IP6K1: variants seen among roughly 807,000 people sequenced by gnomAD.
IP6K1 encodes ATP:1D-myo-inositol-hexakisphosphate phosphotransferase.
IP6K1 carries 13 observed loss-of-function variants against 38.3 expected under a neutral mutation model. That is an observed-to-expected ratio of 0.34 (90% CI 0.22 to 0.54). IP6K1 has a LOEUF of 0.54. Among genes scored for constraint, IP6K1 ranks in the 20% least tolerant of loss-of-function variants. The probability of loss-of-function intolerance (pLI) is 0.92; values close to 1 mark genes in which losing one functional copy is unlikely to be tolerated. For synonymous variants in IP6K1, 212 were observed against 229.9 expected (o/e 0.92, Z 0.70); for missense variants, 397 against 599.8 (o/e 0.66, Z 3.53).
At chr3:49,772,937 C>T (rs1377193745) in intron 1 of IP6K1, among the ~76,000 whole-genome samples, 1 of 151,848 alleles carries the variant, frequency 6.6e-6, no homozygotes, top group Admixed American at 6.6e-5. Flanking sequence ...GATCCTCCTA[C>T]CTCAGCCTCC....
intron 1 of IP6K1, among the ~76,000 whole-genome samples, chr3:49,768,034 TAA>T (rs140063422): frequency 6.6e-5 from 8 of 121,680 alleles, no homozygotes; most frequent in Admixed American, 8.4e-5. Flanking sequence ...ATCCAAGTTA[TAA>T]AAAAAAAAAA....
chr3:49,757,598 T>C (rs1041432081), intron 1 of IP6K1, among the ~76,000 whole-genome samples: 1 of 152,130 alleles, frequency 6.6e-6, no homozygotes, highest in African/African-American at 2.4e-5. Context: ...CTCATGCCTA[T>C]AGTCCCAGCT....
At chr3:49,776,897 T>A (rs1471054109) in intron 1 of IP6K1, among the ~76,000 whole-genome samples, 2 of 151,990 alleles carry the variant, frequency 1.3e-5, no homozygotes, top group Non-Finnish European at 2.9e-5. Context: ...CAGGCTGGGG[T>A]TGACTGGAAA....
At chr3:49,744,691 A>G (rs1197649403) in intron 2 of IP6K1, among the ~76,000 whole-genome samples, 1 of 152,142 alleles carries the variant, frequency 6.6e-6, no homozygotes, top group Non-Finnish European at 1.5e-5. Context: ...TTTTATTGTA[A>G]GAATGGTATT....
chr3:49,761,893 C>A (rs927350293), intron 1 of IP6K1, among the ~76,000 whole-genome samples: 6 of 151,820 alleles, frequency 4.0e-5, no homozygotes, highest in Admixed American at 2.0e-4. Flanking sequence ...TTACAGTAAG[C>A]CATGATTGCA....
chr3:49,738,889 G>C lies in IP6K1; in HGVS notation c.224-467C>G, dbSNP rs564104966. On this transcript the variant is annotated intron_variant, in intron 2 of 5. Coordinates refer to ENST00000321599, the MANE Select transcript of IP6K1 (RefSeq NM_153273.4). Reference sequence around the variant, plus strand: ...CCTCCAAGACGGTCCAAAAAAATCTGTGTTCTGCCCACACTGAGCATCAGG... The same window carrying C: ...CCTCCAAGACGGTCCAAAAAAATCTCTGTTCTGCCCACACTGAGCATCAGG... Among the ~76,000 whole-genome samples the C allele has an allele frequency of 3.9e-5, 6 of 152,242 alleles. No individual in the cohort carries two copies. In the South Asian group the frequency reaches 1.2e-3, roughly 32 times the overall value.
intron 1 of IP6K1, among the ~76,000 whole-genome samples, chr3:49,761,432 G>A (rs2080867290): frequency 6.6e-6 from 1 of 151,822 alleles, no homozygotes; most frequent in South Asian, 2.1e-4. Flanking sequence ...CAAGACCATG[G>A]TGAAACCCCA....
chr3:49,733,587 A>T (rs1165694804), intron 3 of IP6K1, among the ~76,000 whole-genome samples: 2 of 152,270 alleles, frequency 1.3e-5, no homozygotes, highest in Non-Finnish European at 2.9e-5. Context: ...AAAAGGAATG[A>T]AATTCCTATA....
At chr3:49,774,416 AAAAAAAAAAAAAAG>A (rs1334507312) in intron 1 of IP6K1, among the ~76,000 whole-genome samples, 2 of 144,000 alleles carry the variant, frequency 1.4e-5, no homozygotes, top group Non-Finnish European at 1.5e-5. Context: ...TCAAAAAAAA[AAAAAAAAAAAAAAG>A]AAAAAAAAAA....
In IP6K1 at chr3:49,733,434, C is replaced by T. The variant is rs778669474; in HGVS notation, c.435-462G>A. 3.3e-5 allele frequency among the ~76,000 whole-genome samples: 5 copies of T among 152,100 alleles called. No individual in the cohort carries two copies. In the South Asian group the frequency reaches 1.0e-3, roughly 31 times the overall value. ...CTAGGTATACACCCAAAAGAAATGA[C>T]AAGGATCCAAACAGACACTTTACGT... is the stretch of plus-strand genomic sequence containing the variant. On this transcript the variant is annotated intron_variant, in intron 3 of 5. Transcript: ENST00000321599.
At chr3:49,762,970 C>G (rs1281607148) in intron 1 of IP6K1, among the ~76,000 whole-genome samples, 1 of 152,056 alleles carries the variant, frequency 6.6e-6, no homozygotes, top group African/African-American at 2.4e-5. Flanking sequence ...CGGGGTTTCA[C>G]CACGTTGGCC....
At position 49,728,159 on chromosome 3, in the gene IP6K1, G is replaced by A. The variant is rs775142562; in HGVS notation, c.736C>T (p.Arg246Trp). The A allele has an allele frequency of 1.9e-6, 3 of 1,614,114 alleles. No individual in the cohort carries two copies. Among genetic ancestry groups the A allele is most frequent in the South Asian group, 2.2e-5 (2 of 91,088 alleles). The change falls in exon 5 of 6, where the codon CGG becomes TGG. Residue 246 changes from arginine (R) to tryptophan (W), a missense_variant. Transcript: ENST00000321599. ...GCTGATGTGCTCTGCTCGCATTTCC[G>A]CATCTGCCGGGCTGCCTTCTCAGCT... Reference protein sequence around the residue: ...ASAEKAARQMRKCEQSTSATL... With the variant: ...ASAEKAARQMWKCEQSTSATL...
chr3:49,769,652 G>A (rs9859153), intron 1 of IP6K1, among the ~76,000 whole-genome samples: 1 of 151,866 alleles, frequency 6.6e-6, no homozygotes, highest in Non-Finnish European at 1.5e-5. Flanking sequence ...CTAGACTTAG[G>A]GACTCATTCT....
intron 1 of IP6K1, among the ~76,000 whole-genome samples, chr3:49,756,817 C>CAAAAAAA (rs59808252): frequency 2.3e-5 from 3 of 133,284 alleles, no homozygotes; most frequent in African/African-American, 5.8e-5. Context: ...AACTCCATCT[C>CAAAAAAA]AAAAAAAAAA....
At chr3:49,759,548 G>A (rs191412901) in intron 1 of IP6K1, among the ~76,000 whole-genome samples, 3 of 152,262 alleles carry the variant, frequency 2.0e-5, no homozygotes, top group Admixed American at 1.3e-4. Flanking sequence ...AGTGTAAGGA[G>A]ATTTCAGGGC....
chr3:49,777,779 G>A (rs1448950979), intron 1 of IP6K1, among the ~76,000 whole-genome samples: 1 of 151,296 alleles, frequency 6.6e-6, no homozygotes, highest in African/African-American at 2.4e-5. Flanking sequence ...GCCGGGCGTG[G>A]TGGCAGGCGC....
rs181086052 is a variant in IP6K1, at chr3:49,777,876, C to T, written c.-129+8478G>A. Among the ~76,000 whole-genome samples, 498 of 150,358 alleles carry T rather than the reference C, an allele frequency of 3.3e-3. 1 individual carries two copies. Among genetic ancestry groups the T allele is most frequent in the African/African-American group, 0.01 (413 of 40,910 alleles). ...CTTGCAGTGAGCTGAGATCGCGCCA[C>T]GCACTCCAGCCTGGGCGACAGAGCG... On this transcript the variant is annotated intron_variant, in intron 1 of 5. Transcript: ENST00000321599.
rs537299626 is a variant in IP6K1 at position 49,763,197 on chromosome 3, G to A, written c.-128-15029C>T. On this transcript the variant is annotated intron_variant, in intron 1 of 5. Transcript: ENST00000321599. ...CGGCTCACTGCAAGCTCCGCCTCCC[G>A]GGTTCACACCATTCTCCTGCCTAAG... 3.2e-3 allele frequency among the ~76,000 whole-genome samples: 478 copies of A among 148,788 alleles called. 2 individuals carry two copies. The highest frequency in any genetic ancestry group is 7.6e-3 in the Admixed American group (112 of 14,690).
rs554109454 is a variant in IP6K1 at position 49,756,588 on chromosome 3, C to T, written c.-128-8420G>A. On this transcript the variant is annotated intron_variant, in intron 1 of 5. Coordinates refer to ENST00000321599, the MANE Select transcript of IP6K1 (RefSeq NM_153273.4). ...ATCCTAGCACTTTGGGAGGCCAAGG[C>T]GGGTGGATCACCTGAGGTCAGGAGT... Among the ~76,000 whole-genome samples the T allele has an allele frequency of 1.5e-3, 224 of 152,064 alleles. 1 individual carries two copies. Among genetic ancestry groups the T allele is most frequent in the Non-Finnish European group, 2.5e-3 (168 of 67,950 alleles).
Sources: gnomAD v4.1 joint callset for allele counts (sites outside exome capture counted in the v4.1 genomes callset) on GRCh38, gnomAD v4.1.1 for gene constraint, MANE v1.5 for transcripts, NCBI Gene and HGNC (gene_info 2026-07-23, HGNC 2026-07-21) for gene names.